The following ARMC9 variants were observed in gnomAD, a reference collection of about 807,000 sequenced individuals.
ARMC9 encodes armadillo repeat containing 9.
Under a neutral mutation model 107.0 loss-of-function variants are expected in ARMC9, and 94 were observed. That is an observed-to-expected ratio of 0.88 (90% confidence interval 0.74 to 1.04). ARMC9 has a LOEUF of 1.04. Among genes scored for constraint, ARMC9 ranks in the 50% least tolerant of loss-of-function variants. ARMC9 has a pLI of 0.00. For missense variants in ARMC9, 942 were observed against 1,030.1 expected (o/e 0.91, Z 1.17); for synonymous variants, 380 against 396.9 (o/e 0.96, Z 0.51).
chr2:231,314,027 T>C (rs2042514553), intron 19 of ARMC9, among the ~76,000 whole-genome samples: 1 of 151,352 alleles, frequency 6.6e-6, no homozygotes, highest in South Asian at 2.1e-4. Flanking sequence ...CCCAAAGTAC[T>C]GGGATTACAG....
intron 19 of ARMC9, among the ~76,000 whole-genome samples, chr2:231,308,844 C>T (rs1462514354): frequency 6.6e-6 from 1 of 152,182 alleles, no homozygotes; most frequent in Admixed American, 6.5e-5. Context: ...GGTGCATGTC[C>T]AGAGAGCCAG....
At chr2:231,283,453 A>G (rs1378929604) in intron 17 of ARMC9, among the ~76,000 whole-genome samples, 1 of 152,080 alleles carries the variant, frequency 6.6e-6, no homozygotes, top group Non-Finnish European at 1.5e-5. Flanking sequence ...TTTTTGAGAC[A>G]GAGTCTGGCT....
intron 9 of ARMC9, 51 bp from the exon 10 acceptor site, chr2:231,256,535 T>C (rs775607078): frequency 1.9e-6 from 3 of 1,594,064 alleles, no homozygotes; most frequent in African/African-American, 1.3e-5. Context: ...GATCCGTGCA[T>C]TGCTATCAGT....
intron 19 of ARMC9, among the ~76,000 whole-genome samples, chr2:231,314,560 G>A (rs2042554517): frequency 6.6e-6 from 1 of 152,146 alleles, no homozygotes; most frequent in African/African-American, 2.4e-5. Flanking sequence ...TCTTTGTTGG[G>A]GAGGCTGTGC....
chr2:231,244,639 G>A (rs570547219), intron 9 of ARMC9, among the ~76,000 whole-genome samples: 5 of 152,284 alleles, frequency 3.3e-5, no homozygotes, highest in African/African-American at 1.2e-4. Flanking sequence ...CAAAATGCTG[G>A]GATTACAGGT....
intron 9 of ARMC9, among the ~76,000 whole-genome samples, chr2:231,242,957 A>C (rs1187272241): frequency 6.6e-6 from 1 of 152,020 alleles, no homozygotes; most frequent in Non-Finnish European, 1.5e-5. Context: ...CAAAAAATAC[A>C]AAAATTAGGC....
At chr2:231,235,411 C>T in intron 8 of ARMC9, 30 bp downstream of exon 8, 1 of 1,612,428 alleles carries the variant, frequency 6.2e-7, no homozygotes, top group Non-Finnish European at 8.5e-7. Context: ...GTGTGTATGT[C>T]TGTTTGGCAA....
chr2:231,269,882 C>G (rs1011092168), intron 12 of ARMC9, among the ~76,000 whole-genome samples: 4 of 148,138 alleles, frequency 2.7e-5, no homozygotes, highest in African/African-American at 1.0e-4. Context: ...CCCTCCCCCC[C>G]TATTTGTTTT....
At chr2:231,258,871 G>A in intron 10 of ARMC9, 120 bp from the exon 11 acceptor site, 1 of 869,494 alleles carries the variant, frequency 1.2e-6, no homozygotes, top group Non-Finnish European at 1.8e-6. Context: ...GAAGCCGGGA[G>A]GTCATGCTGG....
chr2:231,218,504 C>T (rs1245532329), intron 5 of ARMC9, among the ~76,000 whole-genome samples: 3 of 152,124 alleles, frequency 2.0e-5, no homozygotes, highest in Non-Finnish European at 4.4e-5. Flanking sequence ...ATAGATAAAG[C>T]TTGGATCCAG....
chr2:231,226,427 T>C (rs1416185662), intron 6 of ARMC9, among the ~76,000 whole-genome samples: 1 of 152,220 alleles, frequency 6.6e-6, no homozygotes, highest in Non-Finnish European at 1.5e-5. Flanking sequence ...TTGAATTATG[T>C]ATAAAATCAG....
chr2:231,317,968 T>C (rs766290138), intron 19 of ARMC9, among the ~76,000 whole-genome samples: 1 of 152,056 alleles, frequency 6.6e-6, no homozygotes, highest in Non-Finnish European at 1.5e-5. Flanking sequence ...TTTGAAGTGT[T>C]TTTCTACTAA....
chr2:231,223,106 T>A (rs975980237), intron 6 of ARMC9, among the ~76,000 whole-genome samples: 3 of 152,262 alleles, frequency 2.0e-5, no homozygotes, highest in Non-Finnish European at 4.4e-5. Flanking sequence ...GTAAAAGAAT[T>A]CCTTGGGATA....
At position 231,360,689 on chromosome 2, in the gene ARMC9, C is replaced by T. The variant is rs561981326; in HGVS notation, c.2132-65C>T. 2.1e-5 allele frequency: 33 copies of T among 1,535,690 alleles called. No homozygotes were observed. Among genetic ancestry groups the T allele is most frequent in the Non-Finnish European group, 2.4e-5 (28 of 1,146,590 alleles). ...TTTCTTGGCTTTCCAACCCAGCCCA[C>T]GAGAGGGCATCCTTAGAGGGGCTCC... On this transcript the variant is annotated intron_variant, in intron 22 of 24. Coordinates refer to ENST00000611582, the MANE Select transcript of ARMC9 (RefSeq NM_001352754.2). The surrounding 1 kb of genome is among the most constrained non-coding windows in gnomAD (Gnocchi z 4.7).
intron 19 of ARMC9, among the ~76,000 whole-genome samples, chr2:231,319,333 C>G (rs1290270723): frequency 6.6e-6 from 1 of 152,084 alleles, no homozygotes; most frequent in East Asian, 1.9e-4. Context: ...AAGTGTCCCC[C>G]ATCCTAGGAT....
Position 231,374,671 on chromosome 2 carries a change from A to C in ARMC9, c.*3136A>C, listed in dbSNP as rs2046142246. 6.6e-6 allele frequency: 1 copy of C among 152,246 alleles called. No homozygotes were observed. Among genetic ancestry groups the C allele is most frequent in the Non-Finnish European group, 1.5e-5 (1 of 68,044 alleles). 9.4% of individuals were successfully genotyped at this position (152,246 alleles called of 1,614,324 possible). A position where few individuals can be genotyped will look rare whatever the true frequency, so the allele number is the denominator to read the frequency against. ...AAATATCAAACTTTTTAATAAAAACAAGTCTGGCCCTGTACTTGGATGACC... is the reference window on the plus strand; with the variant it reads ...AAATATCAAACTTTTTAATAAAAACCAGTCTGGCCCTGTACTTGGATGACC... On this transcript the variant is annotated 3_prime_UTR_variant, in exon 25 of 25. Transcript: ENST00000611582.
intron 19 of ARMC9, among the ~76,000 whole-genome samples, chr2:231,310,615 C>A (rs2042291613): frequency 1.3e-5 from 2 of 151,642 alleles, no homozygotes; most frequent in Non-Finnish European, 2.9e-5. Flanking sequence ...CCTGTAATCC[C>A]AGCTACTTGG....
chr2:231,338,308 T>A (rs1479969716), intron 20 of ARMC9, among the ~76,000 whole-genome samples: 1 of 150,934 alleles, frequency 6.6e-6, no homozygotes, highest in East Asian at 2.0e-4. Flanking sequence ...AGCCTCCACC[T>A]CCCAGGTTCA....
chr2:231,227,383 A>G (rs1323933734), intron 7 of ARMC9, among the ~76,000 whole-genome samples: 1 of 152,202 alleles, frequency 6.6e-6, no homozygotes, highest in African/African-American at 2.4e-5. Flanking sequence ...GCTGTACCTC[A>G]GTTTTGCCTT....
Sources: gnomAD v4.1 joint callset for allele counts (sites outside exome capture counted in the v4.1 genomes callset) on GRCh38, gnomAD v4.1.1 for gene constraint, Gnocchi (gnomAD v3.1) non-coding constraint, MANE v1.5 for transcripts, NCBI Gene and HGNC (gene_info 2026-07-23, HGNC 2026-07-21) for gene names.